HRG: variants seen among roughly 807,000 people sequenced by gnomAD.
HRG encodes histidine-rich glycoprotein.
A neutral mutation model predicts 29.5 loss-of-function variants in HRG; 26 were observed. That is an observed-to-expected ratio of 0.88 (90% CI 0.65 to 1.22). The LOEUF is 1.22. Ranked by LOEUF, HRG falls within the 50% of genes most tolerant of loss-of-function variation. The pLI, the probability that HRG is intolerant of heterozygous loss-of-function variation, is 0.00. For missense variants in HRG, 671 were observed against 654.5 expected (o/e 1.03, Z -0.28); for synonymous variants, 243 against 240.4 (o/e 1.01, Z -0.10).
intron 2 of HRG, 80 bp from the exon 3 acceptor site, chr3:186,669,858 C>T (rs1210764993): frequency 5.1e-6 from 4 of 788,404 alleles, no homozygotes; most frequent in Non-Finnish European, 9.3e-6. Flanking sequence ...TGTTGCATCA[C>T]CTTTTTGCTC....
In HRG at chr3:186,670,039, C is replaced by A. The variant is rs557760488; in HGVS notation, c.391+11C>A. The A allele has an allele frequency of 8.1e-6, 11 of 1,357,688 alleles. No individual in the cohort carries two copies. The highest frequency in any genetic ancestry group is 1.2e-5 in the Non-Finnish European group (11 of 947,514). 84.1% of individuals were successfully genotyped at this position (1,357,688 alleles called of 1,614,324 possible). A position where few individuals can be genotyped will look rare whatever the true frequency, so the allele number is the denominator to read the frequency against. ...GCACCACAAGTTCTGGTATGGTAAT[C>A]TGTTAAATTGCTAATTAATTCTTGA... On this transcript the variant is annotated intron_variant, in intron 3 of 6. Transcript: ENST00000232003.
chr3:186,673,122 A>C (rs973218839), intron 5 of HRG: 6 of 543,782 alleles, frequency 1.1e-5, no homozygotes, highest in Admixed American at 2.9e-5. Flanking sequence ...TTTGTTTTTG[A>C]GATGGAGTTT....
Position 186,677,250 on chromosome 3 carries a change from C to T in HRG, c.945C>T (p.Gly315=). The change falls in exon 7 of 7, where the codon GGC becomes GGT. Residue 315 remains glycine (G), a synonymous_variant. Coordinates refer to ENST00000232003, the MANE Select transcript of HRG (RefSeq NM_000412.5). ...DHSHGPPLPQ[G]PPPLLPMSCS... ...CACATGGACCCCCACTTCCACAAGG[C>T]CCTCCTCCACTATTGCCCATGTCCT... is the stretch of plus-strand genomic sequence containing the variant. The T allele has an allele frequency of 6.2e-7, 1 of 1,614,130 alleles. No homozygotes were observed. Among genetic ancestry groups the T allele is most frequent in the Non-Finnish European group, 8.5e-7 (1 of 1,180,026 alleles).
chr3:186,671,563 AC>A, intron 3 of HRG, 59 bp from the exon 4 acceptor site: 3 of 1,540,444 alleles, frequency 1.9e-6, no homozygotes, highest in Non-Finnish European at 2.7e-6. Flanking sequence ...CATTCTTGCC[AC>A]CAAGCCACCA....
chr3:186,669,560 A>G (rs1260114395), intron 2 of HRG: 18 of 361,914 alleles, frequency 5.0e-5, no homozygotes, highest in Non-Finnish European at 9.5e-5. Flanking sequence ...GGAGGTGGGT[A>G]TTGACATGCC....
intron 4 of HRG, among the ~76,000 whole-genome samples, chr3:186,672,170 T>C (rs1328751571): frequency 6.6e-6 from 1 of 152,180 alleles, no homozygotes; most frequent in Non-Finnish European, 1.5e-5. Flanking sequence ...GTAATGTGCC[T>C]ATAGTTAGAT....
In HRG at chr3:186,671,723, G is replaced by A; in HGVS notation, c.492G>A (p.Lys164=). 1 of 1,614,036 alleles carries A rather than the reference G, an allele frequency of 6.2e-7. No individual in the cohort carries two copies. The highest frequency in any genetic ancestry group is 1.7e-5 in the Admixed American group (1 of 60,014). The part of the protein sequence containing the change: ...YRKQANKALE[K]YKEENDDFAS... The stretch of plus-strand genomic sequence containing the variant: ...AACAAGCCAACAAAGCCCTTGAGAA[G>A]TACAAAGAGGAGAATGATGACTTTG... The change falls in exon 4 of 7, where the codon AAG becomes AAA. Residue 164 remains lysine, a synonymous_variant. Coordinates refer to ENST00000232003, the MANE Select transcript of HRG (RefSeq NM_000412.5).
At chr3:186,669,757 G>A in intron 2 of HRG, 181 bp from the exon 3 acceptor site, 3 of 644,440 alleles carry the variant, frequency 4.7e-6, no homozygotes, top group Admixed American at 2.2e-5. Context: ...AGTGCCAACA[G>A]GATGCAGCAC....
chr3:186,674,428 T>C (rs527841138), intron 5 of HRG: 2 of 156,680 alleles, frequency 1.3e-5, no homozygotes, highest in East Asian at 3.8e-4. Context: ...AACTAGGAAA[T>C]GGAGAAGCCA....
At position 186,677,847 on chromosome 3, in the gene HRG, A is replaced by G. The variant is rs757892920; in HGVS notation, c.1542A>G (p.Gln514=). 6.2e-7 allele frequency: 1 copy of G among 1,614,164 alleles called. No homozygotes were observed. The highest frequency in any genetic ancestry group is 1.1e-5 in the South Asian group (1 of 91,084). Reference sequence around the variant, plus strand: ...GGAAGTTCAAGAGTGGGTTTCCACAAGTTTCCATGTTTTTTACACATACAT... The same window carrying G: ...GGAAGTTCAAGAGTGGGTTTCCACAGGTTTCCATGTTTTTTACACATACAT... ...CPGKFKSGFP[Q]VSMFFTHTFP... is the part of the protein sequence containing the mutation. Residue 514 remains glutamine, a synonymous_variant, in exon 7 of 7, where the codon CAA becomes CAG. Transcript: ENST00000232003.
At chr3:186,674,856 G>A (rs1446759974) in intron 5 of HRG, 2 of 497,872 alleles carry the variant, frequency 4.0e-6, no homozygotes, top group Non-Finnish European at 3.7e-6. Context: ...CCCAGTGCTG[G>A]TGCCTGCTCA....
intron 3 of HRG, 121 bp from the exon 4 acceptor site, chr3:186,671,502 C>A: frequency 2.0e-6 from 2 of 1,004,934 alleles, no homozygotes; most frequent in Non-Finnish European, 3.2e-6. Context: ...GAAGCAGTTA[C>A]TCAGCTCTTC....
intron 2 of HRG, chr3:186,669,569 C>T (rs372676475): frequency 1.1e-5 from 4 of 365,786 alleles, no homozygotes; most frequent in African/African-American, 6.3e-5. Flanking sequence ...TATTGACATG[C>T]CAGGCTCTCT....
chr3:186,674,695 G>T, intron 5 of HRG: 1 of 334,706 alleles, frequency 3.0e-6, no homozygotes, highest in Non-Finnish European at 5.8e-6. Context: ...TTCCTCCAAG[G>T]GACCAGCTGA....
rs745552398 is a variant in HRG at position 186,677,650 on chromosome 3, C to A, written c.1345C>A (p.Pro449Thr). Residue 449 changes from proline to threonine, a missense_variant, in exon 7 of 7, where the codon CCC becomes ACC. Pro to Thr is a conservative substitution (Grantham distance 38). Transcript: ENST00000232003. ...GCGAGGCCCAGGTAAAGGACCCCGT[C>A]CCTTCCATTGCAGACAAATTGGATC... is the stretch of plus-strand genomic sequence containing the variant. ...RRRGPGKGPR[P>T]FHCRQIGSVY... is the part of the protein sequence containing the mutation. The A allele has an allele frequency of 2.5e-6, 4 of 1,614,016 alleles. No homozygotes were observed. The highest frequency in any genetic ancestry group is 3.4e-6 in the Non-Finnish European group (4 of 1,180,010).
At chr3:186,674,788 TA>T (rs1260817980) in intron 5 of HRG, 4 of 386,378 alleles carry the variant, frequency 1.0e-5, no homozygotes, top group Non-Finnish European at 2.0e-5. Context: ...AGGGTTGGCC[TA>T]AAGGCAAGGC....
rs773417859 is a variant in HRG at position 186,677,113 on chromosome 3, C to T, written c.808C>T (p.Arg270Cys). Residue 270 changes from arginine to cysteine, a missense_variant, in exon 7 of 7, where the codon CGT (arginine) becomes TGT (cysteine). Coordinates refer to ENST00000232003, the MANE Select transcript of HRG (RefSeq NM_000412.5). The part of the protein sequence containing the change: ...GHPFHWGGHE[R>C]SSTTKPPFKP... ...TCCCTTCCACTGGGGTGGGCATGAGCGTTCTTCTACCACCAAGCCTCCATT... is the reference window on the plus strand; with the variant it reads ...TCCCTTCCACTGGGGTGGGCATGAGTGTTCTTCTACCACCAAGCCTCCATT... 21 of 1,613,828 alleles carry T rather than the reference C, an allele frequency of 1.3e-5. 1 individual carries two copies. The highest frequency in any genetic ancestry group is 1.7e-5 in the Non-Finnish European group (20 of 1,179,944).
Position 186,677,898 on chromosome 3 carries a change from G to A in HRG, c.*15G>A. ...TTCCAAAATAAAATGTGATTCCTTT[G>A]AAGAGGAAAATGAATAATACATTGA... On this transcript the variant is annotated 3_prime_UTR_variant, in exon 7 of 7. Transcript: ENST00000232003. The A allele has an allele frequency of 1.2e-6, 2 of 1,604,932 alleles. No homozygotes were observed. Among genetic ancestry groups the A allele is most frequent in the Non-Finnish European group, 1.7e-6 (2 of 1,171,836 alleles).
chr3:186,677,406 T>A lies in HRG; in HGVS notation c.1101T>A (p.His367Gln), dbSNP rs769330422. The change falls in exon 7 of 7, where the codon CAT becomes CAA. Residue 367 changes from histidine (H) to glutamine (Q), a missense_variant. Coordinates refer to ENST00000232003, the MANE Select transcript of HRG (RefSeq NM_000412.5). ...AGCATCCCCACGGACACCATCCCCATGCACACCATCCTCATGAACATGATA... is the reference window on the plus strand; with the variant it reads ...AGCATCCCCACGGACACCATCCCCAAGCACACCATCCTCATGAACATGATA... ...HEQHPHGHHP[H>Q]AHHPHEHDTH... The A allele has an allele frequency of 1.9e-6, 3 of 1,609,706 alleles. No homozygotes were observed. The Admixed American group carries it at 5.1e-5, about 27-fold the overall frequency.
Sources: gnomAD v4.1 joint callset for allele counts (sites outside exome capture counted in the v4.1 genomes callset) on GRCh38, gnomAD v4.1.1 for gene constraint, MANE v1.5 for transcripts, NCBI Gene and HGNC (gene_info 2026-07-23, HGNC 2026-07-21) for gene names.